The following APCDD1 variants were observed in gnomAD, a reference collection of about 807,000 sequenced individuals.
APCDD1 encodes the protein protein APCDD1.
Under a neutral mutation model 38.1 loss-of-function variants are expected in APCDD1, and 15 were observed. That is an observed-to-expected ratio of 0.39 (90% CI 0.26 to 0.61). APCDD1 has a LOEUF of 0.61. Ranked by LOEUF, APCDD1 falls within the 20% of genes least tolerant of loss-of-function variation. APCDD1 has a pLI of 0.49. For synonymous variants in APCDD1, 261 were observed against 279.7 expected, an observed-to-expected ratio of 0.93 and a Z score of 0.67; for missense variants, 647 against 696.2, an observed-to-expected ratio of 0.93 and a Z score of 0.79.
chr18:10,455,177 C>G, intron 1 of APCDD1, 138 bp downstream of exon 1: 1 of 1,378,534 alleles, frequency 7.3e-7, no homozygotes, highest in Non-Finnish European at 9.5e-7. Flanking sequence ...AGGGGAGCCC[C>G]GCGCCTGCCG....
intron 1 of APCDD1, 146 bp downstream of exon 1, chr18:10,455,185 C>A: frequency 1.5e-6 from 2 of 1,355,570 alleles, no homozygotes; most frequent in Non-Finnish European, 1.9e-6. Flanking sequence ...CCCGCGCCTG[C>A]CGTCTCAGCC....
chr18:10,480,347 G>A (rs1191819990), intron 3 of APCDD1, among the ~76,000 whole-genome samples: 1 of 152,190 alleles, frequency 6.6e-6, no homozygotes. Context: ...TCTCAGAAAA[G>A]AGAAACTTTA....
In APCDD1 at chr18:10,472,031, C is replaced by T; in HGVS notation, c.744C>T (p.Ser248=). The change falls in exon 3 of 5, where the codon TCC becomes TCT. Residue 248 remains serine (S), a synonymous_variant. Transcript: ENST00000355285. The surrounding 1 kb of genome is among the most constrained non-coding windows in gnomAD (Gnocchi z 6.6). ...CCCAGAGGATGTTCTACCGGCCCTCCAGTTACCAGCCCCCTCTGCAGAATG... is the reference window on the plus strand; with the variant it reads ...CCCAGAGGATGTTCTACCGGCCCTCTAGTTACCAGCCCCCTCTGCAGAATG... ...DATQRMFYRP[S]SYQPPLQNAK... The T allele has an allele frequency of 6.2e-7, 1 of 1,613,764 alleles. No individual in the cohort carries two copies. The highest frequency in any genetic ancestry group is 8.5e-7 in the Non-Finnish European group (1 of 1,180,040).
At chr18:10,455,921 C>G (rs1272925231) in intron 1 of APCDD1, among the ~76,000 whole-genome samples, 1 of 152,152 alleles carries the variant, frequency 6.6e-6, no homozygotes, top group Non-Finnish European at 1.5e-5. Context: ...CCTGAGCAAA[C>G]TGTCCCTAAT....
At chr18:10,486,301 A>G (rs1175727128) in intron 4 of APCDD1, among the ~76,000 whole-genome samples, 1 of 152,094 alleles carries the variant, frequency 6.6e-6, no homozygotes, top group Non-Finnish European at 1.5e-5. Flanking sequence ...CTACAGTAAG[A>G]TATGATCATG....
At position 10,471,646 on chromosome 18, in the gene APCDD1, A is replaced by G; in HGVS notation, c.359A>G (p.Tyr120Cys). Residue 120 changes from tyrosine to cysteine, a missense_variant, in exon 3 of 5, where the codon TAT (tyrosine) becomes TGT (cysteine). Transcript: ENST00000355285. This position sits in a 1 kb window ranked among gnomAD's most constrained non-coding sequence, Gnocchi z 5.5. ...YGSNRCTNPT[Y>C]TLIIRGKIRL... is the part of the protein sequence containing the mutation. ...AGCAACCGGTGCACAAATCCCACTTATACTCTCATCATCCGGGGCAAGATC... is the reference window on the plus strand; with the variant it reads ...AGCAACCGGTGCACAAATCCCACTTGTACTCTCATCATCCGGGGCAAGATC... 1 of 1,614,120 alleles carries G rather than the reference A, an allele frequency of 6.2e-7. No individual in the cohort carries two copies. The highest frequency in any genetic ancestry group is 8.5e-7 in the Non-Finnish European group (1 of 1,180,026).
chr18:10,479,574 C>T (rs117614501), intron 3 of APCDD1, among the ~76,000 whole-genome samples: 1 of 152,180 alleles, frequency 6.6e-6, no homozygotes, highest in Non-Finnish European at 1.5e-5. Context: ...GCTGGGGAAA[C>T]GTCTGTTCTC....
At chr18:10,462,413 T>G (rs2030570161) in intron 1 of APCDD1, among the ~76,000 whole-genome samples, 1 of 91,938 alleles carries the variant, frequency 1.1e-5, no homozygotes, top group African/African-American at 5.5e-5. Context: ...CTTCTTTCCT[T>G]CCTTCCTTCC....
At position 10,483,385 on chromosome 18, in the gene APCDD1, G is replaced by A. The variant is rs1352714704; in HGVS notation, c.775-2077G>A. ...AGAGCTTGGGGACGCCCAGGACTTGGCCTTCATCTCAATGCTGCAGCTCTT... is the reference window on the plus strand; with the variant it reads ...AGAGCTTGGGGACGCCCAGGACTTGACCTTCATCTCAATGCTGCAGCTCTT... On this transcript the variant is annotated intron_variant, in intron 3 of 4. Coordinates refer to ENST00000355285, the MANE Select transcript of APCDD1 (RefSeq NM_153000.5). Among the ~76,000 whole-genome samples, 4 of 152,204 alleles carry A rather than the reference G, an allele frequency of 2.6e-5. No homozygotes were observed. In the East Asian group the frequency reaches 7.7e-4, roughly 29 times the overall value.
intron 1 of APCDD1, among the ~76,000 whole-genome samples, chr18:10,464,341 C>CACACACACAT (rs1208428196): frequency 2.0e-5 from 3 of 150,432 alleles, no homozygotes; most frequent in African/African-American, 7.5e-5. Context: ...CACACACACA[C>CACACACACAT]ACAGACACAC....
rs539363700 is a variant in APCDD1, at chr18:10,482,599, A to G, written c.775-2863A>G. Among the ~76,000 whole-genome samples, 7 of 152,308 alleles carry G rather than the reference A, an allele frequency of 4.6e-5. No individual in the cohort carries two copies. The East Asian group carries it at 1.4e-3, about 29-fold the overall frequency. On this transcript the variant is annotated intron_variant, in intron 3 of 4. Transcript: ENST00000355285. The stretch of plus-strand genomic sequence containing the variant: ...CCGGCTCCTGCACAGCTTGTGTCTG[A>G]TAACAGGCATCACAAGAGAACACCA...
chr18:10,455,682 A>G (rs371427451), intron 1 of APCDD1, among the ~76,000 whole-genome samples: 40 of 152,242 alleles, frequency 2.6e-4, no homozygotes, highest in African/African-American at 9.1e-4. Flanking sequence ...CAGTCTCCCA[A>G]TGTGCACCCC....
rs1348448050 is a variant in APCDD1, at chr18:10,472,134, GC to G, written c.774+74del. On this transcript the variant is annotated intron_variant, in intron 3 of 4. Coordinates refer to ENST00000355285, the MANE Select transcript of APCDD1 (RefSeq NM_153000.5). This position sits in a 1 kb window ranked among gnomAD's most constrained non-coding sequence, Gnocchi z 6.6. ...TCCTTCTTAAAGGCTTGCCATGGGG[GC>G]TCTAGGGCACCCTTGAAAGGGGGAA... 11 of 1,595,218 alleles carry G rather than the reference GC, an allele frequency of 6.9e-6. No individual in the cohort carries two copies. Among genetic ancestry groups the G allele is most frequent in the Non-Finnish European group, 9.4e-6 (11 of 1,167,428 alleles).
At chr18:10,482,933 C>T (rs1312196301) in intron 3 of APCDD1, among the ~76,000 whole-genome samples, 1 of 152,352 alleles carries the variant, frequency 6.6e-6, no homozygotes, top group African/African-American at 2.4e-5. Flanking sequence ...ATTTTCTTCA[C>T]CTTAAGGTGC....
At chr18:10,483,052 G>A (rs1165826874) in intron 3 of APCDD1, among the ~76,000 whole-genome samples, 1 of 152,244 alleles carries the variant, frequency 6.6e-6, no homozygotes, top group Non-Finnish European at 1.5e-5. Flanking sequence ...ATTTCTTGCA[G>A]CAGTTATGCA....
In APCDD1 at chr18:10,454,988, T is replaced by C. The variant is rs1195840155; in HGVS notation, c.7T>C (p.Trp3Arg). Residue 3 changes from tryptophan (W) to arginine (R), a missense_variant, in exon 1 of 5, where the codon TGG (tryptophan) becomes CGG (arginine). Trp to Arg is a moderately radical substitution (Grantham distance 101, BLOSUM62 -3). Coordinates refer to ENST00000355285, the MANE Select transcript of APCDD1 (RefSeq NM_153000.5). MS[W>R]PRRLLLRYLF... is the part of the protein sequence containing the mutation. ...CCCCAGAGCAGGACTGGAAATGTCC[T>C]GGCCGCGCCGCCTCCTGCTCAGATA... 1.3e-6 allele frequency: 2 copies of C among 1,553,100 alleles called. No homozygotes were observed. The highest frequency in any genetic ancestry group is 2.4e-5 in the East Asian group (1 of 40,972).
chr18:10,475,687 A>C lies in APCDD1; in HGVS notation c.774+3626A>C, dbSNP rs1598398513. The stretch of plus-strand genomic sequence containing the variant: ...TAAAAAAAAAAAAAAGCAAGCAAAC[A>C]CTCCCAGACCCAGAGGAATGCTGTG... On this transcript the variant is annotated intron_variant, in intron 3 of 4. Coordinates refer to ENST00000355285, the MANE Select transcript of APCDD1 (RefSeq NM_153000.5). This position sits in a 1 kb window ranked among gnomAD's most constrained non-coding sequence, Gnocchi z 4.0. Among the ~76,000 whole-genome samples, 3 of 145,082 alleles carry C rather than the reference A, an allele frequency of 2.1e-5. No individual in the cohort carries two copies. Among genetic ancestry groups the C allele is most frequent in the African/African-American group, 5.2e-5 (2 of 38,688 alleles).
chr18:10,478,193 T>A (rs1252479650), intron 3 of APCDD1, among the ~76,000 whole-genome samples: 3 of 152,204 alleles, frequency 2.0e-5, no homozygotes, highest in African/African-American at 7.2e-5. Context: ...CTTTTCTCCC[T>A]CATCCTCCTG....
chr18:10,485,661 A>T lies in APCDD1; in HGVS notation c.974A>T (p.His325Leu). The T allele has an allele frequency of 1.2e-6, 2 of 1,614,098 alleles. No individual in the cohort carries two copies. Among genetic ancestry groups the T allele is most frequent in the Non-Finnish European group, 1.7e-6 (2 of 1,180,002 alleles). Reference sequence around the variant, plus strand: ...GACAACAACAACACCTGGGAGGGCCACTACTACCACTACTCAGACCCGGTG... The same window carrying T: ...GACAACAACAACACCTGGGAGGGCCTCTACTACCACTACTCAGACCCGGTG... ...FHDNNNTWEGHYYHYSDPVCK... is the reference protein window; with the variant it reads ...FHDNNNTWEGLYYHYSDPVCK... The change falls in exon 4 of 5, where the codon CAC (histidine) becomes CTC (leucine). Residue 325 changes from histidine to leucine, a missense_variant. Coordinates refer to ENST00000355285, the MANE Select transcript of APCDD1 (RefSeq NM_153000.5). This position sits in a 1 kb window ranked among gnomAD's most constrained non-coding sequence, Gnocchi z 5.8.
Sources: allele counts gnomAD v4.1 joint callset (sites outside exome capture counted in the v4.1 genomes callset), GRCh38; gene constraint gnomAD v4.1.1; non-coding constraint Gnocchi (gnomAD v3.1); transcripts MANE v1.5; gene names NCBI Gene and HGNC (gene_info 2026-07-23, HGNC 2026-07-21).